The following MYL3 variants were observed in gnomAD, a reference collection of about 807,000 sequenced individuals.
MYL3 encodes the protein myosin light chain 3, also known as CMLC1.
In MYL3, 11 loss-of-function variants were observed where a neutral mutation model predicts 21.3. The ratio of observed to expected loss-of-function variants is 0.52; its 90% CI spans 0.32 to 0.85. MYL3 has a LOEUF of 0.85. Ranked by LOEUF, MYL3 falls within the 40% of genes least tolerant of loss-of-function variation. The pLI is 0.03. For synonymous variants in MYL3, 88 were observed against 91.6 expected (o/e 0.96, Z 0.22); for missense variants, 206 against 253.3 (o/e 0.81, Z 1.27).
rs376139990 is a variant in MYL3, at chr3:46,863,418, T to C, written c.-28A>G. On this transcript the variant is annotated 5_prime_UTR_variant, in exon 1 of 7. Transcript: ENST00000292327. ...GGGGCTGTAAGTACAGAGAGGGATGTGGAGAGAAGAATGCAGAAAGCAGGG... is the reference window on the plus strand; with the variant it reads ...GGGGCTGTAAGTACAGAGAGGGATGCGGAGAGAAGAATGCAGAAAGCAGGG... 1 of 1,611,856 alleles carries C rather than the reference T, an allele frequency of 6.2e-7. No individual in the cohort carries two copies. Among genetic ancestry groups the C allele is most frequent in the East Asian group, 2.2e-5 (1 of 44,856 alleles).
chr3:46,880,104 C>T (rs2030460710), intron 1 of MYL3: 1 of 152,238 alleles, frequency 6.6e-6, no homozygotes, highest in Non-Finnish European at 1.5e-5. Context: ...CACAAGTGTT[C>T]TTTAGGTGCC....
chr3:46,867,458 G>A (rs1267626249), upstream of MYL3, among the ~76,000 whole-genome samples: 6 of 152,238 alleles, frequency 3.9e-5, no homozygotes, highest in Admixed American at 3.9e-4. Flanking sequence ...GCGTTCAGAA[G>A]GGCATGAAGA....
In MYL3 at chr3:46,857,914, TG is replaced by T; in HGVS notation, c.*200del. On this transcript the variant is annotated 3_prime_UTR_variant, in exon 7 of 7. Coordinates refer to ENST00000292327, the MANE Select transcript of MYL3 (RefSeq NM_000258.3). This position sits in a 1 kb window ranked among gnomAD's most constrained non-coding sequence, Gnocchi z 5.0. Reference sequence around the variant, plus strand: ...CCATTTATTCATGAGGCCCATGGGGTGGGGACAGAGCTGCTGTCACAGGTAA... The same window carrying T: ...CCATTTATTCATGAGGCCCATGGGGTGGGACAGAGCTGCTGTCACAGGTAA... The T allele has an allele frequency of 2.1e-6, 1 of 470,748 alleles. No individual in the cohort carries two copies. 29.2% of individuals were successfully genotyped at this position (470,748 alleles called of 1,614,324 possible). A position where few individuals can be genotyped will look rare whatever the true frequency, so the allele number is the denominator to read the frequency against.
chr3:46,860,552 C>A lies in MYL3; in HGVS notation c.307+124G>T. 1 of 1,377,590 alleles carries A rather than the reference C, an allele frequency of 7.3e-7. No homozygotes were observed. The highest frequency in any genetic ancestry group is 9.9e-7 in the Non-Finnish European group (1 of 1,008,406). 85.3% of individuals were successfully genotyped at this position (1,377,590 alleles called of 1,614,324 possible). A position where few individuals can be genotyped will look rare whatever the true frequency, so the allele number is the denominator to read the frequency against. On this transcript the variant is annotated intron_variant, in intron 3 of 6. Coordinates refer to ENST00000292327, the MANE Select transcript of MYL3 (RefSeq NM_000258.3). This position sits in a 1 kb window ranked among gnomAD's most constrained non-coding sequence, Gnocchi z 4.6. Reference sequence around the variant, plus strand: ...CATGGCCCTGTGACTGGCCTCGGTGCCCTCATCGGGACAATGCGAGATGTC... The same window carrying A: ...CATGGCCCTGTGACTGGCCTCGGTGACCTCATCGGGACAATGCGAGATGTC...
chr3:46,878,736 A>G (rs1248751720), intron 1 of MYL3, among the ~76,000 whole-genome samples: 2 of 151,674 alleles, frequency 1.3e-5, no homozygotes, highest in African/African-American at 4.8e-5. Context: ...CCAGAGCCCT[A>G]CTCACGGTGG....
Position 46,879,218 on chromosome 3 carries a change from T to G in MYL3, c.-218+2856A>C, listed in dbSNP as rs2030409200. On this transcript the variant is annotated intron_variant, in intron 1 of 3. Transcript: ENST00000431168. This position sits in a 1 kb window ranked among gnomAD's most constrained non-coding sequence, Gnocchi z 4.7. ...AGGGACCCAGCACCCATCAGATTCC[T>G]CTCTGCAGCCCTCTCCACAGCCCAC... Among the ~76,000 whole-genome samples, 1 of 152,148 alleles carries G rather than the reference T, an allele frequency of 6.6e-6. No individual in the cohort carries two copies. Among genetic ancestry groups the G allele is most frequent in the African/African-American group, 2.4e-5 (1 of 41,412 alleles).
upstream of MYL3, among the ~76,000 whole-genome samples, chr3:46,864,460 C>T (rs1702027835): frequency 6.6e-6 from 1 of 152,070 alleles, no homozygotes; most frequent in Non-Finnish European, 1.5e-5. This position sits in a 1 kb window ranked among gnomAD's most constrained non-coding sequence, Gnocchi z 4.7. Flanking sequence ...TCTCTACAGG[C>T]CCCAGGGATG....
chr3:46,864,095 G>A (rs880154), upstream of MYL3, among the ~76,000 whole-genome samples: 1,561 of 151,918 alleles, frequency 0.01, 31 homozygotes, highest in African/African-American at 0.035. This position sits in a 1 kb window ranked among gnomAD's most constrained non-coding sequence, Gnocchi z 4.7. Flanking sequence ...TGTGTGCTCC[G>A]TATCTGTGTC....
At chr3:46,875,205 A>G (rs965990062) in intron 1 of MYL3, among the ~76,000 whole-genome samples, 50 of 152,160 alleles carry the variant, frequency 3.3e-4, no homozygotes, top group African/African-American at 1.2e-3. Context: ...CAAAGAAAGC[A>G]CAGAGATGGG....
chr3:46,873,029 G>A (rs892638390), intron 1 of MYL3, among the ~76,000 whole-genome samples: 20 of 152,256 alleles, frequency 1.3e-4, no homozygotes, highest in Admixed American at 1.2e-3. Context: ...CAGAGCCACA[G>A]AGATAACCTA....
Position 46,860,246 on chromosome 3 carries a change from A to T in MYL3, c.307+430T>A, listed in dbSNP as rs964062170. ...TGGGCTCACGGGATCCTCCTGGCTC[A>T]GCTTCCTGAGTAGCTGGGACCATAG... On this transcript the variant is annotated intron_variant, in intron 3 of 6. Coordinates refer to ENST00000292327, the MANE Select transcript of MYL3 (RefSeq NM_000258.3). The surrounding 1 kb of genome is among the most constrained non-coding windows in gnomAD (Gnocchi z 4.6). Among the ~76,000 whole-genome samples, 9 of 152,106 alleles carry T rather than the reference A, an allele frequency of 5.9e-5. No individual in the cohort carries two copies. The highest frequency in any genetic ancestry group is 1.0e-4 in the Non-Finnish European group (7 of 68,032).
At position 46,879,522 on chromosome 3, in the gene MYL3, T is replaced by C. The variant is rs746580317; in HGVS notation, c.-218+2552A>G. Among the ~76,000 whole-genome samples, 24 of 152,234 alleles carry C rather than the reference T, an allele frequency of 1.6e-4. No individual in the cohort carries two copies. Among genetic ancestry groups the C allele is most frequent in the Admixed American group, 3.3e-4 (5 of 15,290 alleles). ...CTTTGGGAGGCCGAGGCAGGAGGAC[T>C]GCTTGAGCCCAAGAGTTGGAGACCA... On this transcript the variant is annotated intron_variant, in intron 1 of 3. Transcript: ENST00000431168. This position sits in a 1 kb window ranked among gnomAD's most constrained non-coding sequence, Gnocchi z 4.7.
In MYL3 at chr3:46,861,091, G is replaced by A; in HGVS notation, c.130-104C>T. Reference sequence around the variant, plus strand: ...CCCAGAATGTCAACTGTCTCAGCCTGTCCCATTCCAGCATCCCAGCCTGCA... The same window carrying A: ...CCCAGAATGTCAACTGTCTCAGCCTATCCCATTCCAGCATCCCAGCCTGCA... On this transcript the variant is annotated intron_variant, in intron 1 of 6. Transcript: ENST00000292327. The surrounding 1 kb of genome is among the most constrained non-coding windows in gnomAD (Gnocchi z 4.2). 3 of 1,369,238 alleles carry A rather than the reference G, an allele frequency of 2.2e-6. No individual in the cohort carries two copies. The highest frequency in any genetic ancestry group is 3.1e-6 in the Non-Finnish European group (3 of 964,320). The allele number at this position is 1,369,238 out of a possible 1,614,324, so 84.8% of individuals were successfully genotyped here.
chr3:46,881,193 A>ATTCC (rs2030536245), intron 1 of MYL3: 1 of 152,188 alleles, frequency 6.6e-6, no homozygotes, highest in Middle Eastern at 3.1e-3. Flanking sequence ...TTCCTCCGCG[A>ATTCC]TCCTTAAAGC....
Position 46,860,559 on chromosome 3 carries a change from C to T in MYL3, c.307+117G>A, listed in dbSNP as rs1701979600. On this transcript the variant is annotated intron_variant, in intron 3 of 6. Coordinates refer to ENST00000292327, the MANE Select transcript of MYL3 (RefSeq NM_000258.3). This position sits in a 1 kb window ranked among gnomAD's most constrained non-coding sequence, Gnocchi z 4.6. ...CTGTGACTGGCCTCGGTGCCCTCAT[C>T]GGGACAATGCGAGATGTCAGGAAAG... is the stretch of plus-strand genomic sequence containing the variant. 6.2e-6 allele frequency: 9 copies of T among 1,442,594 alleles called. No individual in the cohort carries two copies. Among genetic ancestry groups the T allele is most frequent in the Non-Finnish European group, 7.5e-6 (8 of 1,063,262 alleles). 89.4% of individuals were successfully genotyped at this position (1,442,594 alleles called of 1,614,324 possible).
At chr3:46,875,552 G>T (rs929757115) in intron 1 of MYL3, among the ~76,000 whole-genome samples, 1 of 152,252 alleles carries the variant, frequency 6.6e-6, no homozygotes, top group Non-Finnish European at 1.5e-5. Flanking sequence ...TGATCTAAGA[G>T]AAATCAGTTT....
Position 46,858,114 on chromosome 3 carries a change from G to C in MYL3, c.*14-13C>G, listed in dbSNP as rs1446099549. On this transcript the variant is annotated splice_polypyrimidine_tract_variant and intron_variant, in intron 6 of 6. Transcript: ENST00000292327. ...TTCCCTGGGCTTCCTGAGAGCAAAG[G>C]CAGTGCAGATTACAGAGGAGGAGGG... 11 of 1,212,064 alleles carry C rather than the reference G, an allele frequency of 9.1e-6. No homozygotes were observed. The highest frequency in any genetic ancestry group is 1.3e-5 in the Non-Finnish European group (11 of 822,332). 75.1% of individuals were successfully genotyped at this position (1,212,064 alleles called of 1,614,324 possible). A position where few individuals can be genotyped will look rare whatever the true frequency, so the allele number is the denominator to read the frequency against.
chr3:46,869,731 A>G (rs1702088888), intron 1 of MYL3, among the ~76,000 whole-genome samples: 1 of 152,214 alleles, frequency 6.6e-6, no homozygotes, highest in African/African-American at 2.4e-5. Context: ...TCTGTCTGCA[A>G]GCCTGTTCAT....
In MYL3 at chr3:46,869,075, C is replaced by T. The variant is rs556426439; in HGVS notation, c.-217-2475G>A. Among the ~76,000 whole-genome samples the T allele has an allele frequency of 1.5e-4, 23 of 152,236 alleles. No individual in the cohort carries two copies. The South Asian group carries it at 3.5e-3, about 23-fold the overall frequency. On this transcript the variant is annotated intron_variant, in intron 1 of 3. Coordinates refer to the MYL3 transcript ENST00000431168. Reference sequence around the variant, plus strand: ...AAGATGCAGCCCTGAGCCCCAGCTCCCCAGCTCTGCCTGCTGGTCCAGCTT... The same window carrying T: ...AAGATGCAGCCCTGAGCCCCAGCTCTCCAGCTCTGCCTGCTGGTCCAGCTT...
Sources: allele counts gnomAD v4.1 joint callset (sites outside exome capture counted in the v4.1 genomes callset), GRCh38; gene constraint gnomAD v4.1.1; non-coding constraint Gnocchi (gnomAD v3.1); transcripts MANE v1.5; gene names NCBI Gene and HGNC (gene_info 2026-07-23, HGNC 2026-07-21).